The following NME7 variants were observed in gnomAD, a reference collection of about 807,000 sequenced individuals.
NME7 encodes the protein nucleoside diphosphate kinase 7.
Under a neutral mutation model 49.1 loss-of-function variants are expected in NME7, and 41 were observed. The ratio of observed to expected loss-of-function variants is 0.83; its 90% confidence interval spans 0.65 to 1.08. The LOEUF (loss-of-function observed/expected upper bound fraction) is 1.08, where lower values mean the gene tolerates loss of function less well. NME7 is among the 50% of genes least tolerant of loss of function. NME7 has a pLI of 0.00. For synonymous variants in NME7, 139 were observed against 150.6 expected (o/e 0.92, Z 0.56); for missense variants, 423 against 463.4 (o/e 0.91, Z 0.80).
At chr1:169,274,200 A>T (rs1649607734) in intron 7 of NME7, among the ~76,000 whole-genome samples, 1 of 132,986 alleles carries the variant, frequency 7.5e-6, no homozygotes. Flanking sequence ...TTTGATTTGC[A>T]TTTCTCTGAT....
rs115847382 is a variant in NME7, at chr1:169,301,294, T to C, written c.440+1851A>G. Among the ~76,000 whole-genome samples the C allele has an allele frequency of 9.0e-3, 1,365 of 152,150 alleles. 15 individuals carry two copies. The highest frequency in any genetic ancestry group is 0.031 in the African/African-American group (1,292 of 41,506). On this transcript the variant is annotated intron_variant, in intron 5 of 11. Coordinates refer to ENST00000367811, the MANE Select transcript of NME7 (RefSeq NM_013330.5). ...TAAATACACACTTCTCAAAAGAACA[T>C]ACAAGCAGCCAATAAGCATACGAAA...
At position 169,235,950 on chromosome 1, in the gene NME7, A is replaced by T. The variant is rs534551487; in HGVS notation, c.820-751T>A. Among the ~76,000 whole-genome samples the T allele has an allele frequency of 6.9e-5, 6 of 87,554 alleles. No individual in the cohort carries two copies. In the East Asian group the frequency reaches 1.2e-3, roughly 17 times the overall value. The allele number at this position is 87,554 out of a possible 152,430, so 57.4% of individuals were successfully genotyped here. A position where few individuals can be genotyped will look rare whatever the true frequency, so the allele number is the denominator to read the frequency against. ...CAAAAACTAAGACCTTATTTTTTTT[A>T]AAAAGTAGCCTCAGAATTCCCAGTT... On this transcript the variant is annotated intron_variant, in intron 8 of 11. Coordinates refer to ENST00000367811, the MANE Select transcript of NME7 (RefSeq NM_013330.5).
In NME7 at chr1:169,326,038, TAATAA is replaced by T. The variant is rs1455087630; in HGVS notation, c.4-1543_4-1539del. Among the ~76,000 whole-genome samples, 5 of 151,900 alleles carry T rather than the reference TAATAA, an allele frequency of 3.3e-5. No individual in the cohort carries two copies. In the South Asian group the frequency reaches 8.3e-4, roughly 25 times the overall value. On this transcript the variant is annotated intron_variant, in intron 1 of 11. Coordinates refer to ENST00000367811, the MANE Select transcript of NME7 (RefSeq NM_013330.5). The stretch of plus-strand genomic sequence containing the variant: ...AGATTATTAAAATTTTTACTATCCA[TAATAA>T]AATATTTATTTAAATACATAATTGA...
chr1:169,258,714 G>A (rs77430022), intron 7 of NME7, among the ~76,000 whole-genome samples: 4,203 of 132,302 alleles, frequency 0.032, 600 homozygotes, highest in African/African-American at 0.099. Flanking sequence ...CTTTTCTGTT[G>A]TAAGCATATA....
intron 1 of NME7, among the ~76,000 whole-genome samples, chr1:169,340,454 A>G (rs1308635338): frequency 6.6e-6 from 1 of 152,188 alleles, no homozygotes; most frequent in East Asian, 1.9e-4. Flanking sequence ...TCTTTACAGC[A>G]GTGTGAAAAT....
chr1:169,297,731 G>A (rs915670502), intron 6 of NME7, among the ~76,000 whole-genome samples: 9 of 152,116 alleles, frequency 5.9e-5, no homozygotes, highest in African/African-American at 1.9e-4. Flanking sequence ...AATCTGATTT[G>A]TCTTTAAAAG....
intron 3 of NME7, among the ~76,000 whole-genome samples, chr1:169,316,510 T>A (rs1651633796): frequency 6.6e-6 from 1 of 152,176 alleles, no homozygotes; most frequent in Non-Finnish European, 1.5e-5. Flanking sequence ...TTACCTCACC[T>A]GCCAAAAAGG....
chr1:169,336,291 T>C (rs1388464135), intron 1 of NME7, among the ~76,000 whole-genome samples: 2 of 152,090 alleles, frequency 1.3e-5, no homozygotes, highest in East Asian at 1.9e-4. Context: ...TAGCAAGATT[T>C]ATTGCAAAGA....
chr1:169,221,306 T>G (rs1661135723), intron 10 of NME7, among the ~76,000 whole-genome samples: 1 of 152,166 alleles, frequency 6.6e-6, no homozygotes. Flanking sequence ...ATTATGTCAC[T>G]CTTCTCTCCA....
At chr1:169,291,722 A>T (rs1419372977) in intron 6 of NME7, among the ~76,000 whole-genome samples, 4 of 152,100 alleles carry the variant, frequency 2.6e-5, no homozygotes, top group African/African-American at 9.7e-5. Flanking sequence ...ACCCTGATCA[A>T]TCAGCAGACA....
chr1:169,213,124 C>T (rs1355825953), intron 10 of NME7, among the ~76,000 whole-genome samples: 1 of 152,110 alleles, frequency 6.6e-6, no homozygotes. Flanking sequence ...GCATGAGTTA[C>T]AGTCATGCTG....
chr1:169,228,549 C>T (rs1008765083), intron 10 of NME7, among the ~76,000 whole-genome samples: 1 of 150,930 alleles, frequency 6.6e-6, no homozygotes, highest in Non-Finnish European at 1.5e-5. Context: ...CAGTGGCGGG[C>T]GCCTGTAGTC....
chr1:169,228,626 G>A (rs1446648820), intron 10 of NME7, among the ~76,000 whole-genome samples: 4 of 147,826 alleles, frequency 2.7e-5, no homozygotes, highest in Non-Finnish European at 5.9e-5. Flanking sequence ...GCAGTGAGCC[G>A]AGATTGCGCC....
At position 169,357,241 on chromosome 1, in the gene NME7, CTT is replaced by C. The variant is rs538741305; in HGVS notation, c.3+10465_3+10466del. Among the ~76,000 whole-genome samples, 526 of 151,978 alleles carry C rather than the reference CTT, an allele frequency of 3.5e-3. 4 individuals are homozygous for C. The highest frequency in any genetic ancestry group is 0.012 in the African/African-American group (502 of 41,466). ...GTGTATCATGTATTTCTCTTCTTCT[CTT>C]TTTTCTTCCTCCAAGACTGTGAGCT... On this transcript the variant is annotated intron_variant, in intron 1 of 11. Coordinates refer to ENST00000367811, the MANE Select transcript of NME7 (RefSeq NM_013330.5).
intron 11 of NME7, among the ~76,000 whole-genome samples, chr1:169,162,847 A>T (rs1402479832): frequency 1.3e-5 from 2 of 152,150 alleles, no homozygotes; most frequent in Non-Finnish European, 2.9e-5. Flanking sequence ...TCAAAATAAT[A>T]ATAATAATAA....
intron 1 of NME7, among the ~76,000 whole-genome samples, chr1:169,338,822 G>C (rs769819876): frequency 6.6e-6 from 1 of 152,206 alleles, no homozygotes; most frequent in African/African-American, 2.4e-5. Context: ...CAGAAGGTCA[G>C]ATAAGTTAAA....
At chr1:169,367,267 G>A (rs1346692835) in intron 1 of NME7, among the ~76,000 whole-genome samples, 2 of 152,202 alleles carry the variant, frequency 1.3e-5, no homozygotes, top group Non-Finnish European at 2.9e-5. Context: ...TCGTGGGGGC[G>A]TGGGGCAGTG....
intron 7 of NME7, among the ~76,000 whole-genome samples, chr1:169,251,339 A>C (rs1368072349): frequency 6.6e-6 from 1 of 151,038 alleles, no homozygotes; most frequent in Non-Finnish European, 1.5e-5. Flanking sequence ...ATCTTTTTGC[A>C]CTCCTATACC....
At chr1:169,287,111 C>G (rs2420015) in intron 7 of NME7, 192 bp downstream of exon 7, 175,831 of 510,658 alleles carry the variant, frequency 0.34, 33,204 homozygotes, top group East Asian at 0.66. Context: ...TCCTAAAAAT[C>G]CACAAAGAAA....
Sources: allele counts gnomAD v4.1 joint callset (sites outside exome capture counted in the v4.1 genomes callset), GRCh38; gene constraint gnomAD v4.1.1; transcripts MANE v1.5; gene names NCBI Gene and HGNC (gene_info 2026-07-23, HGNC 2026-07-21).